GREB1: variants seen among roughly 807,000 people sequenced by gnomAD.
GREB1 encodes the protein protein GREB1.
In GREB1, 106 loss-of-function variants were observed where a neutral mutation model predicts 200.7. The observed-to-expected ratio is 0.53, with a 90% CI of 0.45 to 0.62. The LOEUF is 0.62. GREB1 is among the 20% of genes least tolerant of loss of function. The pLI, the probability that GREB1 is intolerant of heterozygous loss-of-function variation, is 0.00. For synonymous variants in GREB1, 1,132 were observed against 1,092.4 expected, an observed-to-expected ratio of 1.04 and a Z score of -0.72; for missense variants, 2,243 against 2,556.8, an observed-to-expected ratio of 0.88 and a Z score of 2.65.
intron 9 of GREB1, among the ~76,000 whole-genome samples, chr2:11,586,178 T>C (rs1680069159): frequency 6.6e-6 from 1 of 152,244 alleles, no homozygotes; most frequent in African/African-American, 2.4e-5. Context: ...GCCTGTTCAC[T>C]CATTCTTTCC....
At chr2:11,585,006 C>T (rs1679929060) in intron 7 of GREB1, 155 bp from the exon 8 acceptor site, 2 of 497,074 alleles carry the variant, frequency 4.0e-6, no homozygotes, top group South Asian at 4.0e-5. Context: ...TTTCCTTATG[C>T]ATAGATATTT....
chr2:11,533,814 C>T (rs1674164990), upstream of GREB1, among the ~76,000 whole-genome samples: 1 of 152,058 alleles, frequency 6.6e-6, no homozygotes, highest in African/African-American at 2.4e-5. Context: ...CCATGTTCTC[C>T]CCTAGGAGAA....
chr2:11,623,853 C>T (rs145391343), intron 23 of GREB1, among the ~76,000 whole-genome samples: 10 of 152,088 alleles, frequency 6.6e-5, no homozygotes, highest in Non-Finnish European at 1.2e-4. Context: ...GGTGCCACTC[C>T]ATCCTGGAGT....
At chr2:11,538,653 CTTT>C (rs1674427343) in intron 1 of GREB1, among the ~76,000 whole-genome samples, 2 of 24,970 alleles carry the variant, frequency 8.0e-5, no homozygotes, top group African/African-American at 1.4e-4. Flanking sequence ...TTCTTTCTTT[CTTT>C]CTTTCTTTCT....
In GREB1 at chr2:11,489,229, A is replaced by G. The variant is rs577035805; in HGVS notation, c.-159+6848A>G. Among the ~76,000 whole-genome samples the G allele has an allele frequency of 7.2e-5, 11 of 152,242 alleles. 1 individual carries two copies. Among genetic ancestry groups the G allele is most frequent in the Admixed American group, 7.2e-4 (11 of 15,286 alleles). On this transcript the variant is annotated intron_variant, in intron 1 of 2. Transcript: ENST00000628795. ...GCACTTTAGGAGGTGATCAGATCACAAGGTCAGGGGTTCGCAGACCAGCCT... is the reference window on the plus strand; with the variant it reads ...GCACTTTAGGAGGTGATCAGATCACGAGGTCAGGGGTTCGCAGACCAGCCT...
chr2:11,524,241 CT>C (rs1389224006), intron 1 of GREB1, among the ~76,000 whole-genome samples: 9 of 152,216 alleles, frequency 5.9e-5, no homozygotes, highest in Admixed American at 2.6e-4. Flanking sequence ...GAGGAAAGAG[CT>C]TGTTCAACAG....
chr2:11,581,940 C>T (rs1679528347), intron 7 of GREB1, among the ~76,000 whole-genome samples: 1 of 152,232 alleles, frequency 6.6e-6, no homozygotes, highest in Non-Finnish European at 1.5e-5. Context: ...CCAACCAGCA[C>T]CTCCATCCTG....
intron 1 of GREB1, among the ~76,000 whole-genome samples, chr2:11,510,816 G>A (rs913627317): frequency 4.0e-5 from 6 of 151,632 alleles, no homozygotes; most frequent in Non-Finnish European, 7.4e-5. Flanking sequence ...GGGATCACAG[G>A]TGCCTGTCAT....
intron 1 of GREB1, among the ~76,000 whole-genome samples, chr2:11,491,364 C>T (rs2148406115): frequency 6.6e-6 from 1 of 152,168 alleles, no homozygotes; most frequent in Non-Finnish European, 1.5e-5. Context: ...GTAAAATGTC[C>T]AAATCCTGAC....
chr2:11,602,288 C>T (rs1681847429), intron 16 of GREB1, 118 bp from the exon 17 acceptor site: 1 of 820,384 alleles, frequency 1.2e-6, no homozygotes, highest in South Asian at 1.5e-5. Context: ...AGCCACTGCA[C>T]AGTGGGCACG....
intron 1 of GREB1, among the ~76,000 whole-genome samples, chr2:11,490,144 T>G (rs1030641734): frequency 1.3e-5 from 2 of 152,162 alleles, no homozygotes; most frequent in Non-Finnish European, 2.9e-5. Context: ...ACTGTCACCA[T>G]GATCTAATTC....
At chr2:11,566,712 C>A in intron 4 of GREB1, 56 bp downstream of exon 4, 2 of 1,480,426 alleles carry the variant, frequency 1.4e-6, no homozygotes, top group South Asian at 2.7e-5. Context: ...AGAGCAGGGT[C>A]AAGGGAGGTC....
At chr2:11,588,704 G>A (rs773301881) in intron 9 of GREB1, 42 bp from the exon 10 acceptor site, 50 of 1,577,678 alleles carry the variant, frequency 3.2e-5, no homozygotes, top group Non-Finnish European at 4.0e-5. Flanking sequence ...ACCGTAAGCT[G>A]TGCACAAGAC....
At chr2:11,589,217 T>C (rs1680486219) in intron 10 of GREB1, among the ~76,000 whole-genome samples, 1 of 152,214 alleles carries the variant, frequency 6.6e-6, no homozygotes, top group South Asian at 2.1e-4. Flanking sequence ...CTTGAGGCGA[T>C]TCTAGTCTTA....
intron 1 of GREB1, among the ~76,000 whole-genome samples, chr2:11,536,359 T>A (rs917248003): frequency 6.6e-6 from 1 of 152,212 alleles, no homozygotes; most frequent in Non-Finnish European, 1.5e-5. Context: ...TTGTCTTCTC[T>A]AGTGATCTGG....
chr2:11,598,517 G>C (rs1160733609), intron 14 of GREB1, among the ~76,000 whole-genome samples, 163 bp from the exon 15 acceptor site: 2 of 152,264 alleles, frequency 1.3e-5, no homozygotes, highest in Non-Finnish European at 2.9e-5. Context: ...CAGTTATGCA[G>C]CTGTAACCTG....
intron 2 of GREB1, chr2:11,561,904 G>A (rs950547832): frequency 3.3e-5 from 5 of 153,526 alleles, no homozygotes; most frequent in African/African-American, 1.2e-4. Flanking sequence ...ACAGGACTGG[G>A]AACGTGTGGG....
chr2:11,621,521 A>G (rs1265655833), intron 23 of GREB1, among the ~76,000 whole-genome samples: 1 of 152,238 alleles, frequency 6.6e-6, no homozygotes, highest in African/African-American at 2.4e-5. Context: ...TTTCCAGAAC[A>G]GAGTTTACCC....
rs149598536 is a variant in GREB1, at chr2:11,592,163, A to C, written c.1346-613A>C. Reference sequence around the variant, plus strand: ...AGACCTTCTCTAACAAGCTATGGGAATTTGGCTTCCTACTTTTTTTTTTCT... The same window carrying C: ...AGACCTTCTCTAACAAGCTATGGGACTTTGGCTTCCTACTTTTTTTTTTCT... On this transcript the variant is annotated intron_variant, in intron 10 of 32. Transcript: ENST00000381486. 1.0e-3 allele frequency: 923 copies of C among 906,996 alleles called. 2 individuals are homozygous for C. The highest frequency in any genetic ancestry group is 5.7e-3 in the Admixed American group (92 of 16,036). 56.2% of individuals were successfully genotyped at this position (906,996 alleles called of 1,614,324 possible). A position where few individuals can be genotyped will look rare whatever the true frequency, so the allele number is the denominator to read the frequency against.
Sources: gnomAD v4.1 joint callset for allele counts (sites outside exome capture counted in the v4.1 genomes callset) on GRCh38, gnomAD v4.1.1 for gene constraint, MANE v1.5 for transcripts, NCBI Gene and HGNC (gene_info 2026-07-23, HGNC 2026-07-21) for gene names.